CLASP2: variants seen among roughly 807,000 people sequenced by gnomAD.
CLASP2 encodes the protein cytoplasmic linker associated protein 2.
A neutral mutation model predicts 194.4 loss-of-function variants in CLASP2; 47 were observed. The observed-to-expected ratio is 0.24, with a 90% CI of 0.19 to 0.31. CLASP2 has a LOEUF of 0.31. Among genes scored for constraint, CLASP2 ranks in the 10% least tolerant of loss-of-function variants. CLASP2 has a pLI of 1.00. For missense variants in CLASP2, 1,445 were observed against 1,823.6 expected (o/e 0.79, Z 3.78); for synonymous variants, 619 against 633.5 (o/e 0.98, Z 0.34).
Position 33,619,757 on chromosome 3 carries a change from A to C in CLASP2, c.1182-19T>G. 6.4e-7 allele frequency: 1 copy of C among 1,555,034 alleles called. No individual in the cohort carries two copies. Among genetic ancestry groups the C allele is most frequent in the South Asian group, 1.2e-5 (1 of 81,930 alleles). The stretch of plus-strand genomic sequence containing the variant: ...AAGGTGGCTACAAAGGAAGACAAAA[A>C]GTATTTTTTAATAGTTTAACATTAA... On this transcript the variant is annotated intron_variant, in intron 11 of 38. Coordinates refer to ENST00000682230, the MANE Select transcript of CLASP2 (RefSeq NM_001365631.1).
At chr3:33,647,157 A>G (rs984322888) in intron 7 of CLASP2, among the ~76,000 whole-genome samples, 1 of 152,200 alleles carries the variant, frequency 6.6e-6, no homozygotes, top group African/African-American at 2.4e-5. Context: ...AAAGGTTTCT[A>G]AAGATTTGAG....
At chr3:33,513,732 C>T (rs539051) in intron 36 of CLASP2, among the ~76,000 whole-genome samples, 9,652 of 152,248 alleles carry the variant, frequency 0.063, 320 homozygotes, top group Middle Eastern at 0.095. Context: ...TTACATTTTC[C>T]TAATGACTAA....
At chr3:33,550,239 T>C (rs998999243) in intron 30 of CLASP2, among the ~76,000 whole-genome samples, 2 of 150,692 alleles carry the variant, frequency 1.3e-5, no homozygotes, top group African/African-American at 2.4e-5. Flanking sequence ...ACCCCAAAAA[T>C]ATAAAAATTA....
intron 32 of CLASP2, 49 bp downstream of exon 32, chr3:33,543,384 A>G: frequency 8.0e-7 from 1 of 1,252,614 alleles, no homozygotes; most frequent in South Asian, 1.2e-5. Flanking sequence ...AAAAGAAAGA[A>G]TGGGAATTTA....
intron 6 of CLASP2, among the ~76,000 whole-genome samples, chr3:33,664,454 T>A (rs543292307): frequency 6.6e-6 from 1 of 152,180 alleles, no homozygotes; most frequent in African/African-American, 2.4e-5. Flanking sequence ...TCCTAAAACC[T>A]TACTTAAGCC....
intron 25 of CLASP2, among the ~76,000 whole-genome samples, chr3:33,571,038 C>T (rs986249300): frequency 9.9e-5 from 10 of 101,142 alleles, no homozygotes; most frequent in African/African-American, 2.4e-4. Context: ...TTTTTTGAGA[C>T]GGAGTCTCGC....
chr3:33,570,739 G>A lies in CLASP2; in HGVS notation c.2751C>T (p.Asp917=). The A allele has an allele frequency of 6.3e-7, 1 of 1,592,662 alleles. No homozygotes were observed. The highest frequency in any genetic ancestry group is 8.6e-7 in the Non-Finnish European group (1 of 1,169,030). ...LCEIFTRMFA[D]PHGKRVFSMF... is the part of the protein sequence containing the mutation. The stretch of plus-strand genomic sequence containing the variant: ...TACTAAAACATACCTTGCCATGAGG[G>A]TCAGCAAACATTCTTGTGAAAATTT... The change falls in exon 26 of 39, where the codon GAC becomes GAT. Residue 917 remains aspartate, a synonymous_variant. Transcript: ENST00000682230.
intron 29 of CLASP2, 134 bp downstream of exon 29, chr3:33,559,173 T>A (rs769052899): frequency 2.8e-6 from 2 of 716,512 alleles, no homozygotes; most frequent in African/African-American, 3.5e-5. Flanking sequence ...CTGGCTTGAC[T>A]GTCTGAAAGT....
At position 33,687,115 on chromosome 3, in the gene CLASP2, A is replaced by C; in HGVS notation, c.491T>G (p.Val164Gly). 1 of 1,601,462 alleles carries C rather than the reference A, an allele frequency of 6.2e-7. No homozygotes were observed. Reference sequence around the variant, plus strand: ...CAAATGTGGTATCAATTTGCTGATGACTAGTGGCTGAGCCCCAAAACTAAA... The same window carrying C: ...CAAATGTGGTATCAATTTGCTGATGCCTAGTGGCTGAGCCCCAAAACTAAA... ...TLNIFGAQPL[V>G]ISKLIPHLCI... The change falls in exon 5 of 39, where the codon GTC (valine) becomes GGC (glycine). Residue 164 changes from valine (V) to glycine (G), a missense_variant. By Grantham distance (109) the Val-to-Gly change is moderately radical (BLOSUM62 -3). This residue lies in a region of CLASP2 where 332 missense variants were observed against 325.3 expected (regional missense o/e 1.02). Transcript: ENST00000682230.
intron 26 of CLASP2, among the ~76,000 whole-genome samples, chr3:33,568,863 G>A (rs1323552185): frequency 2.0e-5 from 3 of 152,098 alleles, no homozygotes; most frequent in Admixed American, 6.6e-5. Flanking sequence ...TAAAAAGGGA[G>A]GGGTGCAGCT....
intron 32 of CLASP2, among the ~76,000 whole-genome samples, chr3:33,540,189 C>T (rs1445975033): frequency 2.7e-5 from 4 of 150,230 alleles, no homozygotes; most frequent in African/African-American, 7.4e-5. Context: ...CTTGGCCTCC[C>T]AAAGTGTTGC....
In CLASP2 at chr3:33,663,486, T is replaced by C. The variant is rs1402878536; in HGVS notation, c.674A>G (p.Glu225Gly). Residue 225 changes from glutamate (E) to glycine (G), a missense_variant, in exon 7 of 39, where the codon GAA (glutamate) becomes GGA (glycine). Glu to Gly is a moderately conservative substitution (Grantham distance 98). Coordinates refer to ENST00000682230, the MANE Select transcript of CLASP2 (RefSeq NM_001365631.1). Reference sequence around the variant, plus strand: ...AATCATACCGCCTGAACTTTGCACTTCATCAAATTTGGCAAATATCATTTC... The same window carrying C: ...AATCATACCGCCTGAACTTTGCACTCCATCAAATTTGGCAAATATCATTTC... Reference protein sequence around the residue: ...RLEMIFAKFDEVQSSGGMILS... With the variant: ...RLEMIFAKFDGVQSSGGMILS... 1 of 1,612,492 alleles carries C rather than the reference T, an allele frequency of 6.2e-7. No homozygotes were observed. Among genetic ancestry groups the C allele is most frequent in the Non-Finnish European group, 8.5e-7 (1 of 1,179,056 alleles).
At chr3:33,513,165 G>A (rs2878373) in intron 36 of CLASP2, among the ~76,000 whole-genome samples, 58,248 of 151,996 alleles carry the variant, frequency 0.38, 11,509 homozygotes, top group Admixed American at 0.49. Context: ...CAAATATTAG[G>A]TATCATTTTT....
chr3:33,509,328 T>C (rs562443540), intron 37 of CLASP2, among the ~76,000 whole-genome samples: 2 of 152,348 alleles, frequency 1.3e-5, no homozygotes, highest in East Asian at 1.9e-4. Flanking sequence ...GCAATTCTCC[T>C]GCCTCAGCCT....
At chr3:33,664,873 G>C (rs556241589) in intron 6 of CLASP2, among the ~76,000 whole-genome samples, 8 of 151,854 alleles carry the variant, frequency 5.3e-5, no homozygotes, top group African/African-American at 1.7e-4. Context: ...GCCAAGCAGC[G>C]CAGATCACCT....
chr3:33,680,395 A>G (rs1269531887), intron 6 of CLASP2, among the ~76,000 whole-genome samples: 4 of 152,220 alleles, frequency 2.6e-5, no homozygotes, highest in Non-Finnish European at 5.9e-5. Context: ...CAATTATAAC[A>G]AATGTACCAC....
chr3:33,624,518 G>A (rs944211009), intron 10 of CLASP2, among the ~76,000 whole-genome samples: 50 of 152,198 alleles, frequency 3.3e-4, no homozygotes, highest in African/African-American at 1.1e-3. Context: ...CCCCTTACCT[G>A]CAAGAGATAT....
At position 33,496,257 on chromosome 3, in the gene CLASP2, G is replaced by A. The variant is rs2045761133; in HGVS notation, c.*2374C>T. 1 of 152,104 alleles carries A rather than the reference G, an allele frequency of 6.6e-6. No homozygotes were observed. The highest frequency in any genetic ancestry group is 2.4e-5 in the African/African-American group (1 of 41,436). The allele number at this position is 152,104 out of a possible 1,614,324, so 9.4% of individuals were successfully genotyped here. A position where few individuals can be genotyped will look rare whatever the true frequency, so the allele number is the denominator to read the frequency against. ...AGAAATAAACATGTTTTACAATCTGGAATATATAATTTTAATTAGTTCTCA... is the reference window on the plus strand; with the variant it reads ...AGAAATAAACATGTTTTACAATCTGAAATATATAATTTTAATTAGTTCTCA... On this transcript the variant is annotated 3_prime_UTR_variant, in exon 39 of 39. Transcript: ENST00000682230.
intron 6 of CLASP2, among the ~76,000 whole-genome samples, chr3:33,678,539 T>C (rs563351342): frequency 6.6e-6 from 1 of 152,266 alleles, no homozygotes; most frequent in South Asian, 2.1e-4. Context: ...TCTAGAATTC[T>C]ATACCCAGTA....
Sources: allele counts gnomAD v4.1 joint callset (sites outside exome capture counted in the v4.1 genomes callset), GRCh38; gene constraint gnomAD v4.1.1; regional missense constraint gnomAD v4.1.1; transcripts MANE v1.5; gene names NCBI Gene and HGNC (gene_info 2026-07-23, HGNC 2026-07-21).